Variants in GPR176 observed in about 807,000 individuals in gnomAD.
GPR176 encodes the protein G-protein coupled receptor 176.
GPR176 carries 26 observed loss-of-function variants against 35.4 expected under a neutral mutation model. That is an observed-to-expected ratio of 0.74 (90% CI 0.54 to 1.02). The LOEUF (loss-of-function observed/expected upper bound fraction) is 1.02. Among genes scored for constraint, GPR176 ranks in the 50% least tolerant of loss-of-function variants. GPR176 has a pLI of 0.00. For missense variants in GPR176, 597 were observed against 665.3 expected (o/e 0.90, Z 1.13); for synonymous variants, 278 against 271.3 (o/e 1.02, Z -0.24).
At chr15:39,826,902 CAAT>C (rs1012280801) in intron 1 of GPR176, among the ~76,000 whole-genome samples, 1 of 152,014 alleles carries the variant, frequency 6.6e-6, no homozygotes, top group Non-Finnish European at 1.5e-5. Flanking sequence ...GGCAGAATAA[CAAT>C]AATAATAATA....
At chr15:39,918,855 T>C (rs2033797256) in intron 1 of GPR176, among the ~76,000 whole-genome samples, 1 of 152,254 alleles carries the variant, frequency 6.6e-6, no homozygotes, top group African/African-American at 2.4e-5. Flanking sequence ...ATGTCAGTTA[T>C]CTTGGTTTCC....
chr15:39,809,871 C>T (rs1480311240), intron 1 of GPR176, among the ~76,000 whole-genome samples: 4 of 152,146 alleles, frequency 2.6e-5, no homozygotes, highest in East Asian at 1.9e-4. Flanking sequence ...GATGGCCGGG[C>T]GCGGTGGCTC....
intron 1 of GPR176, among the ~76,000 whole-genome samples, chr15:39,839,660 G>A (rs1464845309): frequency 2.0e-5 from 3 of 152,136 alleles, no homozygotes; most frequent in Non-Finnish European, 2.9e-5. Context: ...CTTCTGCACA[G>A]CAAAAGAAAC....
intron 1 of GPR176, among the ~76,000 whole-genome samples, chr15:39,836,199 A>G (rs562373464): frequency 8.5e-5 from 13 of 152,206 alleles, no homozygotes; most frequent in Non-Finnish European, 1.8e-4. Flanking sequence ...GGCCACTGTC[A>G]TCAACACTGA....
At chr15:39,894,130 G>A (rs1347055686) in intron 1 of GPR176, among the ~76,000 whole-genome samples, 1 of 109,362 alleles carries the variant, frequency 9.1e-6, no homozygotes, top group Admixed American at 8.5e-5. Flanking sequence ...TGGCCAGGCG[G>A]GGGCTGACCC....
At chr15:39,870,793 G>T (rs993879506) in intron 1 of GPR176, among the ~76,000 whole-genome samples, 1 of 152,230 alleles carries the variant, frequency 6.6e-6, no homozygotes, top group Middle Eastern at 3.4e-3. Context: ...GCCATGCTGT[G>T]AGAGGGCCCT....
chr15:39,900,783 T>C (rs2033254124), intron 1 of GPR176, among the ~76,000 whole-genome samples: 2 of 152,338 alleles, frequency 1.3e-5, no homozygotes, highest in South Asian at 4.1e-4. Flanking sequence ...ATGAGTTCCC[T>C]GACATGGTGC....
At chr15:39,900,964 G>A (rs1285553381) in intron 1 of GPR176, among the ~76,000 whole-genome samples, 3 of 152,226 alleles carry the variant, frequency 2.0e-5, no homozygotes, top group African/African-American at 4.8e-5. Context: ...ATATCAGGTT[G>A]TGAGGCAGAG....
intron 1 of GPR176, among the ~76,000 whole-genome samples, chr15:39,886,648 T>C (rs907060954): frequency 6.6e-6 from 1 of 152,206 alleles, no homozygotes; most frequent in East Asian, 1.9e-4. Flanking sequence ...AAAAAGTGCT[T>C]ACTCACACTG....
chr15:39,846,078 A>G (rs1337845097), intron 1 of GPR176, among the ~76,000 whole-genome samples: 1 of 152,188 alleles, frequency 6.6e-6, no homozygotes, highest in East Asian at 1.9e-4. Context: ...CTTTTTGAAA[A>G]TATCGTTCTG....
intron 1 of GPR176, among the ~76,000 whole-genome samples, chr15:39,808,861 T>C (rs1899357375): frequency 6.6e-6 from 1 of 152,146 alleles, no homozygotes; most frequent in Non-Finnish European, 1.5e-5. Context: ...TCACCATACG[T>C]CGGAATGACT....
At chr15:39,868,170 G>A (rs923062426) in intron 1 of GPR176, among the ~76,000 whole-genome samples, 1 of 152,138 alleles carries the variant, frequency 6.6e-6, no homozygotes, top group Non-Finnish European at 1.5e-5. Context: ...GAGAAAGCAG[G>A]AGCAGGAAGC....
chr15:39,867,996 G>A (rs2031898537), intron 1 of GPR176, among the ~76,000 whole-genome samples: 3 of 152,068 alleles, frequency 2.0e-5, no homozygotes, highest in Admixed American at 2.0e-4. Context: ...TTCTCAGGCT[G>A]ATCCAACCAA....
At chr15:39,890,047 A>G (rs2032815260) in intron 1 of GPR176, among the ~76,000 whole-genome samples, 1 of 152,158 alleles carries the variant, frequency 6.6e-6, no homozygotes, top group South Asian at 2.1e-4. Context: ...GCCAATTTCA[A>G]AATGATGAAA....
intron 1 of GPR176, among the ~76,000 whole-genome samples, chr15:39,902,065 C>T (rs1431029286): frequency 6.6e-6 from 1 of 152,112 alleles, no homozygotes; most frequent in Admixed American, 6.5e-5. Flanking sequence ...GCCTGGGCAA[C>T]AAAGTGAGAC....
intron 1 of GPR176, among the ~76,000 whole-genome samples, chr15:39,898,789 T>G (rs970093926): frequency 7.2e-5 from 11 of 151,910 alleles, no homozygotes; most frequent in African/African-American, 2.7e-4. Context: ...AAAATGGAAG[T>G]ATAAAATTTA....
At chr15:39,838,832 G>A (rs982767218) in intron 1 of GPR176, among the ~76,000 whole-genome samples, 2 of 152,116 alleles carry the variant, frequency 1.3e-5, no homozygotes, top group African/African-American at 4.8e-5. Context: ...GTTCTGGCCA[G>A]GGCAATCAGG....
Position 39,811,710 on chromosome 15 carries a change from A to G in GPR176, c.173-4452T>C, listed in dbSNP as rs561254249. ...GGCGGGCAGATCACGAGGTCAGGAG[A>G]TCAAGACCATCCTGGCGAACATGGT... On this transcript the variant is annotated intron_variant, in intron 1 of 2. Coordinates refer to ENST00000561100, the MANE Select transcript of GPR176 (RefSeq NM_007223.3). Among the ~76,000 whole-genome samples the G allele has an allele frequency of 1.5e-3, 228 of 152,134 alleles. 2 individuals carry two copies. The highest frequency in any genetic ancestry group is 2.4e-3 in the Non-Finnish European group (160 of 67,992).
At position 39,887,864 on chromosome 15, in the gene GPR176, G is replaced by A. The variant is rs79324776; in HGVS notation, c.172+31991C>T. On this transcript the variant is annotated intron_variant, in intron 1 of 2. Coordinates refer to ENST00000561100, the MANE Select transcript of GPR176 (RefSeq NM_007223.3). ...CACTTTGGCATAAGGATTATTTGGA[G>A]TTGAAGGCAACTGGGAAGATGCAGA... 8.6e-3 allele frequency among the ~76,000 whole-genome samples: 1,308 copies of A among 152,308 alleles called. 12 individuals carry two copies. Among genetic ancestry groups the A allele is most frequent in the Middle Eastern group, 0.01 (3 of 294 alleles).
Sources: gnomAD v4.1 joint callset for allele counts (sites outside exome capture counted in the v4.1 genomes callset) on GRCh38, gnomAD v4.1.1 for gene constraint, MANE v1.5 for transcripts, NCBI Gene and HGNC (gene_info 2026-07-23, HGNC 2026-07-21) for gene names.